The following SOHLH1 variants were observed in gnomAD, a reference collection of about 807,000 sequenced individuals.
SOHLH1 encodes spermatogenesis and oogenesis specific basic helix-loop-helix 1.
A neutral mutation model predicts 36.2 loss-of-function variants in SOHLH1; 23 were observed. The ratio of observed to expected loss-of-function variants is 0.64; its 90% CI spans 0.46 to 0.90. The LOEUF (loss-of-function observed/expected upper bound fraction) is 0.90. SOHLH1 is among the 40% of genes least tolerant of loss of function. The probability of loss-of-function intolerance (pLI) is 0.00; values close to 1 mark genes in which losing one functional copy is unlikely to be tolerated. For missense variants in SOHLH1, 608 were observed against 517.0 expected (o/e 1.18, Z -1.71); for synonymous variants, 289 against 228.3 (o/e 1.27, Z -2.40).
intron 5 of SOHLH1, 121 bp downstream of exon 5, chr9:135,696,491 C>T (rs1415459617): frequency 8.6e-7 from 1 of 1,168,712 alleles, no homozygotes; most frequent in African/African-American, 1.8e-5. Context: ...CTCACCAACA[C>T]AAGGGCCTGG....
upstream of SOHLH1, among the ~76,000 whole-genome samples, chr9:135,700,253 C>T (rs1352672235): frequency 1.3e-5 from 2 of 152,202 alleles, no homozygotes; most frequent in Non-Finnish European, 2.9e-5. Context: ...GGGTCCTGCC[C>T]ATCCAAATTC....
upstream of SOHLH1, chr9:135,699,632 G>C (rs928302195): frequency 6.3e-5 from 46 of 731,360 alleles, no homozygotes; most frequent in Non-Finnish European, 1.0e-4. Context: ...TCCCCACGCA[G>C]CCAGCCCGGG....
chr9:135,694,741 TCCCCCTCCCAC>T (rs1834721913), intron 6 of SOHLH1, among the ~76,000 whole-genome samples: 1 of 39,442 alleles, frequency 2.5e-5, no homozygotes, highest in East Asian at 1.0e-3. Context: ...CCCCCTCCCC[TCCCCCTCCCAC>T]ACCCCAGCTG....
rs565607967 is a variant in SOHLH1 at position 135,698,182 on chromosome 9, C to T, written c.345+147G>A. ...AAGGCTTGAACAAATCAGGAAGTGC[C>T]CTGCCGAAAACGTGGCCTGCTCTAG... is the stretch of plus-strand genomic sequence containing the variant. On this transcript the variant is annotated intron_variant, in intron 3 of 7. Coordinates refer to ENST00000425225, the MANE Select transcript of SOHLH1 (RefSeq NM_001101677.2). The T allele has an allele frequency of 3.2e-4, 340 of 1,060,548 alleles. 1 individual carries two copies. The African/African-American group carries it at 4.4e-3, about 14-fold the overall frequency. The allele number at this position is 1,060,548 out of a possible 1,614,324, so 65.7% of individuals were successfully genotyped here.
chr9:135,696,037 G>A (rs1834779155), intron 5 of SOHLH1, among the ~76,000 whole-genome samples: 1 of 151,660 alleles, frequency 6.6e-6, no homozygotes, highest in Non-Finnish European at 1.5e-5. Context: ...GGGCCACAAA[G>A]CTGGACGGAG....
At chr9:135,699,234 G>A in intron 1 of SOHLH1, 108 bp from the exon 2 acceptor site, 1 of 1,524,810 alleles carries the variant, frequency 6.6e-7, no homozygotes, top group Non-Finnish European at 8.9e-7. Flanking sequence ...AGCCAAGACT[G>A]GGTCACGTAG....
At position 135,693,689 on chromosome 9, in the gene SOHLH1, G is replaced by A. The variant is rs1421422190; in HGVS notation, c.1072C>T (p.Pro358Ser). 3.2e-6 allele frequency: 5 copies of A among 1,579,636 alleles called. No homozygotes were observed. Among genetic ancestry groups the A allele is most frequent in the Admixed American group, 1.8e-5 (1 of 55,248 alleles). ...ELGSQELQDS[P>S]LEPWGLDVDC... ...ACATCCAGGCCCCACGGCTCCAGAG[G>A]GCTGTCCTGGAGCTCCTGGGAGCCA... Residue 358 changes from proline (P) to serine (S), a missense_variant, in exon 8 of 8, where the codon CCT becomes TCT. Physicochemically the swap from Pro to Ser is moderately conservative, Grantham distance 74 (BLOSUM62 -1). Coordinates refer to ENST00000425225, the MANE Select transcript of SOHLH1 (RefSeq NM_001101677.2).
In SOHLH1 at chr9:135,698,382, C is replaced by A. The variant is rs1834894358; in HGVS notation, c.292G>T (p.Val98Leu). The A allele has an allele frequency of 1.2e-6, 2 of 1,613,024 alleles. No homozygotes were observed. Among genetic ancestry groups the A allele is most frequent in the African/African-American group, 1.3e-5 (1 of 74,946 alleles). Residue 98 changes from valine to leucine, a missense_variant, in exon 3 of 8, where the codon GTG (valine) becomes TTG (leucine). Transcript: ENST00000425225. ...EDMASVLEMSVQFLRLASALG... is the reference protein window; with the variant it reads ...EDMASVLEMSLQFLRLASALG... ...GCGCTGGCAAGCCGCAGGAACTGCA[C>A]AGACATCTCCAGGACCGAGGCCATG...
chr9:135,695,806 C>A lies in SOHLH1; in HGVS notation c.662-543G>T, dbSNP rs147271751. Among the ~76,000 whole-genome samples, 13 of 152,270 alleles carry A rather than the reference C, an allele frequency of 8.5e-5. No individual in the cohort carries two copies. The East Asian group carries it at 2.5e-3, about 30-fold the overall frequency. On this transcript the variant is annotated intron_variant, in intron 5 of 7. Transcript: ENST00000425225. ...CGGTCATCAGAGGCGCCCTGCAGGGCCACCCACAGAGGGACCAGAGCTCAG... is the reference window on the plus strand; with the variant it reads ...CGGTCATCAGAGGCGCCCTGCAGGGACACCCACAGAGGGACCAGAGCTCAG...
intron 6 of SOHLH1, among the ~76,000 whole-genome samples, chr9:135,694,840 G>A (rs1420583121): frequency 6.6e-6 from 1 of 151,536 alleles, no homozygotes; most frequent in African/African-American, 2.4e-5. Flanking sequence ...AGTGTTTCCA[G>A]AAACACACAT....
At chr9:135,698,037 C>T (rs1337780140) in intron 3 of SOHLH1, among the ~76,000 whole-genome samples, 1 of 152,118 alleles carries the variant, frequency 6.6e-6, no homozygotes, top group African/African-American at 2.4e-5. Flanking sequence ...TCAGGAGACC[C>T]CAACTCTCCC....
rs138464466 is a variant in SOHLH1, at chr9:135,695,322, G to A, written c.662-59C>T. On this transcript the variant is annotated intron_variant, in intron 5 of 7. Coordinates refer to ENST00000425225, the MANE Select transcript of SOHLH1 (RefSeq NM_001101677.2). ...CTGCCCAGCCCCACAGGCTGCCCCC[G>A]AGGACCTCGTGACTCACGGGCTCGG... is the stretch of plus-strand genomic sequence containing the variant. 7.1e-4 allele frequency: 1,064 copies of A among 1,508,960 alleles called. 6 individuals are homozygous for A. The African/African-American group carries it at 0.013, about 19-fold the overall frequency. 93.5% of individuals were successfully genotyped at this position (1,508,960 alleles called of 1,614,324 possible). A position where few individuals can be genotyped will look rare whatever the true frequency, so the allele number is the denominator to read the frequency against.
At chr9:135,699,760 C>G (rs888796024), upstream of SOHLH1, among the ~76,000 whole-genome samples, 1 of 147,014 alleles carries the variant, frequency 6.8e-6, no homozygotes, top group African/African-American at 2.6e-5. Context: ...GGCCCTGCCT[C>G]TACCCTTACC....
chr9:135,696,252 AGAC>A (rs1335643031), intron 5 of SOHLH1, among the ~76,000 whole-genome samples: 267 of 126,472 alleles, frequency 2.1e-3, no homozygotes, highest in African/African-American at 6.6e-3. Flanking sequence ...GCTTCCCAGC[AGAC>A]CCAGGGACCC....
upstream of SOHLH1, among the ~76,000 whole-genome samples, chr9:135,700,324 G>C (rs1234955890): frequency 1.3e-5 from 2 of 152,198 alleles, no homozygotes; most frequent in Non-Finnish European, 2.9e-5. Context: ...GCCGCCCTGC[G>C]CTGGGCTTGA....
intron 3 of SOHLH1, among the ~76,000 whole-genome samples, chr9:135,697,915 C>A (rs548623512): frequency 6.6e-6 from 1 of 152,042 alleles, no homozygotes; most frequent in Admixed American, 6.6e-5. Flanking sequence ...AGGTCCTCAG[C>A]CCCAGCACTC....
upstream of SOHLH1, among the ~76,000 whole-genome samples, chr9:135,701,724 G>T (rs1219616741): frequency 2.0e-5 from 3 of 152,094 alleles, no homozygotes; most frequent in Non-Finnish European, 4.4e-5. Context: ...GTGTGGGGGC[G>T]GGGGGGCGGG....
At chr9:135,698,877 C>T in intron 2 of SOHLH1, 118 bp downstream of exon 2, 1 of 1,454,910 alleles carries the variant, frequency 6.9e-7, no homozygotes, top group Admixed American at 1.7e-5. Context: ...TGTCCTTCTC[C>T]TGGGCACAGG....
chr9:135,697,660 A>G, intron 3 of SOHLH1, 33 bp from the exon 4 acceptor site: 1 of 1,599,860 alleles, frequency 6.3e-7, no homozygotes, highest in Non-Finnish European at 8.5e-7. Context: ...AAACAAAGAC[A>G]GAGACAGTCA....
Sources: allele counts gnomAD v4.1 joint callset (sites outside exome capture counted in the v4.1 genomes callset), GRCh38; gene constraint gnomAD v4.1.1; transcripts MANE v1.5; gene names NCBI Gene and HGNC (gene_info 2026-07-23, HGNC 2026-07-21).